Variants in RTKN observed in about 807,000 individuals in gnomAD.
The protein encoded by RTKN is rhotekin.
A neutral mutation model predicts 63.5 loss-of-function variants in RTKN; 49 were observed. The ratio of observed to expected loss-of-function variants is 0.77; its 90% CI spans 0.61 to 0.98. RTKN has a LOEUF of 0.98. RTKN is among the 50% of genes least tolerant of loss of function. RTKN has a pLI of 0.00. For synonymous variants in RTKN, 295 were observed against 290.4 expected, an observed-to-expected ratio of 1.02 and a Z score of -0.16; for missense variants, 685 against 740.8, an observed-to-expected ratio of 0.92 and a Z score of 0.87.
chr2:74,437,476 C>A (rs1206218922), intron 1 of RTKN, among the ~76,000 whole-genome samples: 1 of 152,160 alleles, frequency 6.6e-6, no homozygotes, highest in Non-Finnish European at 1.5e-5. Context: ...TAAGCATCTC[C>A]TCTGCCCCAG....
rs556165605 is a variant in RTKN, at chr2:74,430,639, C to T, written c.350G>A (p.Cys117Tyr). Residue 117 changes from cysteine to tyrosine, a missense_variant, in exon 3 of 12, where the codon TGC becomes TAC. Transcript: ENST00000272430. Reference sequence around the variant, plus strand: ...ACCAGAGATGCAGACCCGGCCGCGGCAGGGGGAGCGCTCAGCGGGCGGGCC... The same window carrying T: ...ACCAGAGATGCAGACCCGGCCGCGGTAGGGGGAGCGCTCAGCGGGCGGGCC... Reference protein sequence around the residue: ...DSGPPAERSPCRGRVCISDLR... With the variant: ...DSGPPAERSPYRGRVCISDLR... 1 of 1,613,710 alleles carries T rather than the reference C, an allele frequency of 6.2e-7. No homozygotes were observed. Among genetic ancestry groups the T allele is most frequent in the East Asian group, 2.2e-5 (1 of 44,880 alleles).
chr2:74,430,368 G>A lies in RTKN; in HGVS notation c.429C>T (p.Asp143=), dbSNP rs778095336. Residue 143 remains aspartate, a splice_region_variant and synonymous_variant, in exon 5 of 12, where the codon GAC becomes GAT. Coordinates refer to ENST00000272430, the MANE Select transcript of RTKN (RefSeq NM_001015055.2). ...GCAGGAACACAGCCCAGCGGTGCAA[G>A]TCTGGGGACAAAGGGCAAAACAAAA... ...KDTEYFKNKG[D]LHRWAVFLLL... 2.0e-5 allele frequency: 33 copies of A among 1,614,180 alleles called. No homozygotes were observed. The highest frequency in any genetic ancestry group is 2.7e-5 in the Non-Finnish European group (32 of 1,179,972).
intron 1 of RTKN, among the ~76,000 whole-genome samples, chr2:74,433,431 ACACATATAATTT>A (rs1234905292): frequency 6.6e-6 from 1 of 152,132 alleles, no homozygotes; most frequent in African/African-American, 2.4e-5. Context: ...AGTTTATCTT[ACACATATAATTT>A]CACATATATC....
At chr2:74,430,723 C>T (rs781346362) in intron 2 of RTKN, 46 bp from the exon 3 acceptor site, 32 of 1,568,738 alleles carry the variant, frequency 2.0e-5, no homozygotes, top group African/African-American at 4.0e-5. Context: ...AGCCACTATT[C>T]CCCCTTGCTC....
chr2:74,426,282 G>A lies in RTKN; in HGVS notation c.1653C>T (p.Ser551=). 1 of 1,614,094 alleles carries A rather than the reference G, an allele frequency of 6.2e-7. No individual in the cohort carries two copies. Among genetic ancestry groups the A allele is most frequent in the Non-Finnish European group, 8.5e-7 (1 of 1,179,998 alleles). The change falls in exon 12 of 12, where the codon AGC becomes AGT. Residue 551 remains serine (S), a synonymous_variant. Coordinates refer to ENST00000272430, the MANE Select transcript of RTKN (RefSeq NM_001015055.2). Reference sequence around the variant, plus strand: ...GGAGCCAAGTGCGAGGTTGGCCTTTGCTGCAGAGGCCTCTGGTCCGTGGGG... The same window carrying A: ...GGAGCCAAGTGCGAGGTTGGCCTTTACTGCAGAGGCCTCTGGTCCGTGGGG... ...QRSPRTRGLC[S]KGQPRTWLQS...
At chr2:74,435,481 C>T (rs1671006131) in intron 1 of RTKN, among the ~76,000 whole-genome samples, 1 of 152,194 alleles carries the variant, frequency 6.6e-6, no homozygotes, top group African/African-American at 2.4e-5. Context: ...CATCCCTGTA[C>T]TGTCCAAGGT....
At chr2:74,427,664 C>T in intron 9 of RTKN, 72 bp from the exon 10 acceptor site, 1 of 1,499,242 alleles carries the variant, frequency 6.7e-7, no homozygotes, top group East Asian at 2.3e-5. Context: ...TTGATCACGC[C>T]TGCCTTAGAA....
intron 1 of RTKN, chr2:74,439,439 A>G (rs913875997): frequency 1.1e-5 from 13 of 1,228,676 alleles, no homozygotes; most frequent in Admixed American, 7.7e-5. Flanking sequence ...CCCTCTTCCC[A>G]CTTTAAGCAG....
chr2:74,426,970 G>A, intron 11 of RTKN, 199 bp downstream of exon 11: 1 of 985,290 alleles, frequency 1.0e-6, no homozygotes, highest in Non-Finnish European at 1.2e-6. Context: ...CTGGGGTTTT[G>A]TTTTGAACTT....
Position 74,426,306 on chromosome 2 carries a change from G to T in RTKN, c.1629C>A (p.Ser543=), listed in dbSNP as rs746997845. 11 of 1,614,042 alleles carry T rather than the reference G, an allele frequency of 6.8e-6. No homozygotes were observed. The highest frequency in any genetic ancestry group is 9.3e-6 in the Non-Finnish European group (11 of 1,179,990). Residue 543 remains serine, a synonymous_variant, in exon 12 of 12, where the codon TCC becomes TCA. Coordinates refer to ENST00000272430, the MANE Select transcript of RTKN (RefSeq NM_001015055.2). ...RSVAPLPPQR[S]PRTRGLCSKG... is the part of the protein sequence containing the mutation. ...TGCTGCAGAGGCCTCTGGTCCGTGG[G>T]GATCGCTGAGGTGGGAGGGGGGCAA... is the stretch of plus-strand genomic sequence containing the variant.
chr2:74,441,857 G>A lies in RTKN; in HGVS notation c.-41C>T. 5.3e-6 allele frequency: 7 copies of A among 1,312,486 alleles called. No individual in the cohort carries two copies. The highest frequency in any genetic ancestry group is 1.2e-5 in the South Asian group (1 of 80,546). The allele number at this position is 1,312,486 out of a possible 1,614,324, so 81.3% of individuals were successfully genotyped here. ...ACTTTGCCTGCTCAGTGCGCTCCCC[G>A]CGCCGCCCGGCTTAGCCTCCTCTCC... On this transcript the variant is annotated 5_prime_UTR_variant, in exon 1 of 12. Coordinates refer to ENST00000272430, the MANE Select transcript of RTKN (RefSeq NM_001015055.2).
At chr2:74,432,298 G>A (rs1047382887) in intron 2 of RTKN, 169 bp downstream of exon 2, 1 of 756,498 alleles carries the variant, frequency 1.3e-6, no homozygotes, top group Admixed American at 1.9e-5. Context: ...ATGCGCCTCT[G>A]GGCAACACAC....
At chr2:74,427,030 G>T in intron 11 of RTKN, 139 bp downstream of exon 11, 1 of 1,452,190 alleles carries the variant, frequency 6.9e-7, no homozygotes. Flanking sequence ...GAACACACAA[G>T]ATTGGGTGAG....
At chr2:74,426,627 C>T (rs1330336659) in intron 11 of RTKN, 53 bp from the exon 12 acceptor site, 1 of 1,500,960 alleles carries the variant, frequency 6.7e-7, no homozygotes, top group Non-Finnish European at 8.9e-7. Flanking sequence ...GAGCTCAGGC[C>T]CCAAGCCTAC....
chr2:74,427,758 G>T, intron 9 of RTKN, 166 bp from the exon 10 acceptor site: 1 of 661,338 alleles, frequency 1.5e-6, no homozygotes. Flanking sequence ...AAAGGGCTGG[G>T]GATGAGACAG....
chr2:74,433,103 C>T (rs1670849252), intron 1 of RTKN, among the ~76,000 whole-genome samples: 1 of 151,738 alleles, frequency 6.6e-6, no homozygotes, highest in South Asian at 2.1e-4. Context: ...ATTAGCAGGG[C>T]GTGGTGGCGG....
chr2:74,441,826 C>T lies in RTKN; in HGVS notation c.-10G>A. The T allele has an allele frequency of 5.7e-6, 9 of 1,590,726 alleles. No homozygotes were observed. Among genetic ancestry groups the T allele is most frequent in the Non-Finnish European group, 7.7e-6 (9 of 1,164,952 alleles). On this transcript the variant is annotated 5_prime_UTR_variant, in exon 1 of 12. Coordinates refer to ENST00000272430, the MANE Select transcript of RTKN (RefSeq NM_001015055.2). ...GGTTTCGGGAGAACATGCTGGCGGC[C>T]CTGCGACTTTGCCTGCTCAGTGCGC...
chr2:74,440,610 GC>G lies in RTKN; in HGVS notation c.111+1095del. Reference sequence around the variant, plus strand: ...GAAGGCCGGGCTAATCCCAGGGGCGGCCCCAGCTCACAGGCCCCTCCCCCTG... The same window carrying G: ...GAAGGCCGGGCTAATCCCAGGGGCGGCCCAGCTCACAGGCCCCTCCCCCTG... On this transcript the variant is annotated intron_variant, in intron 1 of 11. Coordinates refer to ENST00000272430, the MANE Select transcript of RTKN (RefSeq NM_001015055.2). 3 of 973,656 alleles carry G rather than the reference GC, an allele frequency of 3.1e-6. No individual in the cohort carries two copies. In the South Asian group the frequency reaches 1.4e-4, roughly 46 times the overall value. 60.3% of individuals were successfully genotyped at this position (973,656 alleles called of 1,614,324 possible). A position where few individuals can be genotyped will look rare whatever the true frequency, so the allele number is the denominator to read the frequency against.
intron 2 of RTKN, 55 bp downstream of exon 2, chr2:74,432,412 C>T: frequency 6.5e-7 from 1 of 1,533,402 alleles, no homozygotes; most frequent in Non-Finnish European, 8.9e-7. Context: ...TGCTGCACCA[C>T]CACCACCCAG....
Sources: gnomAD v4.1 joint callset for allele counts (sites outside exome capture counted in the v4.1 genomes callset) on GRCh38, gnomAD v4.1.1 for gene constraint, MANE v1.5 for transcripts, NCBI Gene and HGNC (gene_info 2026-07-23, HGNC 2026-07-21) for gene names.